The following CHLSN variants were observed in gnomAD, a reference collection of about 807,000 sequenced individuals.
CHLSN encodes the protein cholesin, also known as protein cholesin.
At chr7:1,016,868 A>AC in the CHLSN span, among the ~76,000 whole-genome samples, 4 of 69,306 alleles carry the variant, frequency 5.8e-5, no homozygotes, top group Non-Finnish European at 6.0e-5. Flanking sequence ...CACAGCACAC[A>AC]GCAGCGCACA....
chr7:1,131,177 T>TGA, the CHLSN span, among the ~76,000 whole-genome samples: 1 of 101,036 alleles, frequency 9.9e-6, no homozygotes, highest in Admixed American at 1.3e-4. Flanking sequence ...GGCAAAAGAA[T>TGA]GAGACCTTGT....
At chr7:1,092,418 C>G in the CHLSN span, 110 of 1,608,506 alleles carry the variant, frequency 6.8e-5, no homozygotes, top group Non-Finnish European at 8.6e-5. Flanking sequence ...TCGCCATCAT[C>G]GGCCTGTGCT....
At chr7:1,045,604 C>T in the CHLSN span, 7 of 152,198 alleles carry the variant, frequency 4.6e-5, no homozygotes, top group Admixed American at 3.9e-4. Flanking sequence ...ACTGGGGCAC[C>T]GTTGAGAGTG....
chr7:1,129,690 G>A, the CHLSN span, among the ~76,000 whole-genome samples: 29 of 152,268 alleles, frequency 1.9e-4, no homozygotes, highest in African/African-American at 2.9e-4. Flanking sequence ...GCCATCCTCC[G>A]CCTCGGCCTC....
the CHLSN span, among the ~76,000 whole-genome samples, chr7:1,131,273 A>C: frequency 1.3e-5 from 2 of 151,590 alleles, no homozygotes; most frequent in Non-Finnish European, 2.9e-5. Flanking sequence ...ATCATCATGG[A>C]AAGGGCCTGG....
the CHLSN span, chr7:1,093,281 TG>T: frequency 4.6e-6 from 2 of 436,246 alleles, no homozygotes; most frequent in Non-Finnish European, 4.8e-6. Context: ...TCTGCCACCG[TG>T]GGGGAACTGA....
At chr7:996,300 C>T in the CHLSN span, among the ~76,000 whole-genome samples, 48 of 152,342 alleles carry the variant, frequency 3.2e-4, no homozygotes, top group African/African-American at 1.1e-3. Context: ...CAGCTCTGTG[C>T]GTTGGTGGCA....
chr7:1,006,978 T>C, the CHLSN span, among the ~76,000 whole-genome samples: 1 of 152,118 alleles, frequency 6.6e-6, no homozygotes, highest in Non-Finnish European at 1.5e-5. Flanking sequence ...CAGGCCAAGG[T>C]CACCGTGTGG....
At chr7:1,091,083 C>T in the CHLSN span, among the ~76,000 whole-genome samples, 1 of 152,300 alleles carries the variant, frequency 6.6e-6, no homozygotes, top group East Asian at 1.9e-4. Flanking sequence ...GCGGCCGTGC[C>T]CATACCTTCA....
At chr7:1,077,376 C>T in the CHLSN span, among the ~76,000 whole-genome samples, 2 of 152,240 alleles carry the variant, frequency 1.3e-5, no homozygotes, top group Middle Eastern at 3.2e-3. Context: ...AGGATGGTCT[C>T]TATCTCCTGA....
At chr7:1,066,499 C>T in the CHLSN span, among the ~76,000 whole-genome samples, 755 of 152,348 alleles carry the variant, frequency 5.0e-3, 9 homozygotes, top group African/African-American at 0.017. Context: ...CCCAGGATCC[C>T]GGGCCATTCC....
the CHLSN span, chr7:988,183 G>C: frequency 1.4e-6 from 2 of 1,391,362 alleles, no homozygotes; most frequent in African/African-American, 1.4e-5. Context: ...TGGTGGGTGT[G>C]GCAGGAGCTA....
chr7:1,016,268 A>C, the CHLSN span, among the ~76,000 whole-genome samples: 288 of 58,018 alleles, frequency 5.0e-3, 54 homozygotes, highest in Middle Eastern at 0.011. Context: ...AGCACACAGC[A>C]GCGCACGCCA....
chr7:1,107,848 G>T, the CHLSN span, among the ~76,000 whole-genome samples: 39 of 146,762 alleles, frequency 2.7e-4, no homozygotes, highest in Admixed American at 6.1e-4. Flanking sequence ...CCCGCACCCC[G>T]GGAGGAAGCA....
the CHLSN span, chr7:1,028,808 GAC>G: frequency 2.4e-6 from 2 of 843,678 alleles, no homozygotes; most frequent in Non-Finnish European, 2.8e-6. Context: ...CCCCCAATCT[GAC>G]TCCATGGCCC....
the CHLSN span, among the ~76,000 whole-genome samples, chr7:990,525 G>A: frequency 2.6e-5 from 4 of 152,024 alleles, no homozygotes; most frequent in East Asian, 7.8e-4. Context: ...CACGTGAAGC[G>A]GCGCCCCAAG....
the CHLSN span, chr7:983,309 CG>C: frequency 3.2e-6 from 5 of 1,541,258 alleles, no homozygotes; most frequent in Non-Finnish European, 3.5e-6. Flanking sequence ...CGGTGGCCCC[CG>C]GGGCCTCGCC....
At chr7:1,081,726 TCGAACCCA>T in the CHLSN span, among the ~76,000 whole-genome samples, 4 of 115,678 alleles carry the variant, frequency 3.5e-5, no homozygotes, top group African/African-American at 1.6e-4. Flanking sequence ...GGGAGGCCTC[TCGAACCCA>T]TGGCTTTCTT....
At chr7:1,018,070 CCACT>C in the CHLSN span, among the ~76,000 whole-genome samples, 1 of 152,188 alleles carries the variant, frequency 6.6e-6, no homozygotes, top group Non-Finnish European at 1.5e-5. Context: ...GCAGAAATCC[CCACT>C]CACACGAGCA....
Sources: gnomAD v4.1 joint callset for allele counts (sites outside exome capture counted in the v4.1 genomes callset) on GRCh38, gnomAD v4.1.1 for gene constraint, MANE v1.5 for transcripts, NCBI Gene and HGNC (gene_info 2026-07-23, HGNC 2026-07-21) for gene names.